Variants in ZNF264 observed in about 807,000 individuals in gnomAD.
The protein encoded by ZNF264 is zinc finger protein 264.
In ZNF264, 11 loss-of-function variants were observed where a neutral mutation model predicts 11.2. That is an observed-to-expected ratio of 0.98 (90% CI 0.62 to 1.63). ZNF264 has a LOEUF of 1.63. Ranked by LOEUF, ZNF264 falls within the 40% of genes most tolerant of loss-of-function variation. ZNF264 has a pLI of 0.00. For synonymous variants in ZNF264, 309 were observed against 279.8 expected, an observed-to-expected ratio of 1.10 and a Z score of -1.04; for missense variants, 752 against 768.1, an observed-to-expected ratio of 0.98 and a Z score of 0.25.
At position 57,222,559 on chromosome 19, in the gene ZNF264, C is replaced by T. The variant is rs559838986; in HGVS notation, c.*9578C>T. Reference sequence around the variant, plus strand: ...ATGTATATGTGTGTGTACATATGGACCACTTCAAGCTACACACACACACAC... The same window carrying T: ...ATGTATATGTGTGTGTACATATGGATCACTTCAAGCTACACACACACACAC... On this transcript the variant is annotated 3_prime_UTR_variant, in exon 4 of 4. Transcript: ENST00000263095. 8.8e-6 allele frequency: 1 copy of T among 113,310 alleles called. No individual in the cohort carries two copies. The highest frequency in any genetic ancestry group is 9.1e-5 in the Admixed American group (1 of 10,996). 7.0% of individuals were successfully genotyped at this position (113,310 alleles called of 1,614,324 possible).
At chr19:57,201,190 C>CT (rs1424972541) in intron 2 of ZNF264, among the ~76,000 whole-genome samples, 2 of 151,878 alleles carry the variant, frequency 1.3e-5, no homozygotes, top group Non-Finnish European at 2.9e-5. Flanking sequence ...AGTTCACTTT[C>CT]TTTTTTCTGC....
intron 2 of ZNF264, among the ~76,000 whole-genome samples, chr19:57,200,116 G>C (rs112186020): frequency 0.036 from 5,411 of 151,780 alleles, 467 homozygotes; most frequent in African/African-American, 0.12. Flanking sequence ...ATCTCCTGTA[G>C]AGAAAAAGCT....
chr19:57,219,601 T>C lies in ZNF264; in HGVS notation c.*6620T>C, dbSNP rs1445502471. The stretch of plus-strand genomic sequence containing the variant: ...GACCACCACTCTGAACCAAAACTTC[T>C]TTCTTGGTTCTTGAAAGTTGCTGTC... On this transcript the variant is annotated 3_prime_UTR_variant, in exon 4 of 4. Coordinates refer to ENST00000263095, the MANE Select transcript of ZNF264 (RefSeq NM_003417.5). 6.6e-6 allele frequency: 1 copy of C among 152,272 alleles called. No individual in the cohort carries two copies. Among genetic ancestry groups the C allele is most frequent in the Non-Finnish European group, 1.5e-5 (1 of 68,062 alleles). The allele number at this position is 152,272 out of a possible 1,614,324, so 9.4% of individuals were successfully genotyped here. A position where few individuals can be genotyped will look rare whatever the true frequency, so the allele number is the denominator to read the frequency against.
intron 3 of ZNF264, among the ~76,000 whole-genome samples, chr19:57,207,545 C>CTTTTTTTTTTTTT (rs757880568): frequency 5.8e-4 from 60 of 103,026 alleles, no homozygotes; most frequent in East Asian, 7.9e-4. Flanking sequence ...TTTTTCTTTT[C>CTTTTTTTTTTTTT]TTTTTTTTTT....
chr19:57,192,027 C>A, intron 1 of ZNF264, 81 bp downstream of exon 1: 2 of 1,310,104 alleles, frequency 1.5e-6, no homozygotes, highest in East Asian at 2.9e-5. Context: ...GCCCAGGTAT[C>A]CCCTGGATTT....
In ZNF264 at chr19:57,212,281, G is replaced by C. The variant is rs2087344172; in HGVS notation, c.1184G>C (p.Gly395Ala). ...ALIHHYVIHT[G>A]EKPFECLECG... ...ATTCACCACTATGTCATCCACACTGGAGAGAAGCCCTTTGAGTGCCTCGAG... is the reference window on the plus strand; with the variant it reads ...ATTCACCACTATGTCATCCACACTGCAGAGAAGCCCTTTGAGTGCCTCGAG... Residue 395 changes from glycine to alanine, a missense_variant, in exon 4 of 4, where the codon GGA becomes GCA. Gly to Ala is a moderately conservative substitution (Grantham distance 60). Transcript: ENST00000263095. 1 of 1,613,992 alleles carries C rather than the reference G, an allele frequency of 6.2e-7. No homozygotes were observed. The highest frequency in any genetic ancestry group is 8.5e-7 in the Non-Finnish European group (1 of 1,180,028).
In ZNF264 at chr19:57,213,505, GT is replaced by G. The variant is rs2087357343; in HGVS notation, c.*526del. ...CGTTTAAGTCAGTAAGGATACACATGTTAACATTCAGGCTTTTGTCTTGATG... is the reference window on the plus strand; with the variant it reads ...CGTTTAAGTCAGTAAGGATACACATGTAACATTCAGGCTTTTGTCTTGATG... On this transcript the variant is annotated 3_prime_UTR_variant, in exon 4 of 4. Coordinates refer to ENST00000263095, the MANE Select transcript of ZNF264 (RefSeq NM_003417.5). 1 of 152,356 alleles carries G rather than the reference GT, an allele frequency of 6.6e-6. No homozygotes were observed. The highest frequency in any genetic ancestry group is 1.5e-5 in the Non-Finnish European group (1 of 68,182). 9.4% of individuals were successfully genotyped at this position (152,356 alleles called of 1,614,324 possible).
chr19:57,213,064 C>G lies in ZNF264; in HGVS notation c.*83C>G. ...TTCAGTCTAGAGCCTTATTCTCCAT[C>G]TGATAATTTATCCTGGAGAGAGACC... is the stretch of plus-strand genomic sequence containing the variant. On this transcript the variant is annotated 3_prime_UTR_variant, in exon 4 of 4. Coordinates refer to ENST00000263095, the MANE Select transcript of ZNF264 (RefSeq NM_003417.5). 1 of 1,359,376 alleles carries G rather than the reference C, an allele frequency of 7.4e-7. No individual in the cohort carries two copies. The highest frequency in any genetic ancestry group is 1.0e-6 in the Non-Finnish European group (1 of 1,001,416). 84.2% of individuals were successfully genotyped at this position (1,359,376 alleles called of 1,614,324 possible). A position where few individuals can be genotyped will look rare whatever the true frequency, so the allele number is the denominator to read the frequency against.
intron 1 of ZNF264, 128 bp downstream of exon 1, chr19:57,192,074 T>C: frequency 1.1e-6 from 1 of 935,596 alleles, no homozygotes; most frequent in Non-Finnish European, 1.5e-6. Context: ...TGTGTGGAGC[T>C]GGTTTGCCAC....
chr19:57,196,318 T>C (rs769884227), intron 2 of ZNF264, among the ~76,000 whole-genome samples: 1 of 151,984 alleles, frequency 6.6e-6, no homozygotes, highest in Non-Finnish European at 1.5e-5. Flanking sequence ...GCAGAAGCAC[T>C]GCGTGCAGGA....
At chr19:57,195,500 G>GT (rs1244791071) in intron 2 of ZNF264, among the ~76,000 whole-genome samples, 7 of 152,038 alleles carry the variant, frequency 4.6e-5, no homozygotes, top group East Asian at 1.9e-4. Flanking sequence ...GCAGGTCATG[G>GT]TTTTTTTTCC....
At chr19:57,205,300 C>T (rs2087283481) in intron 2 of ZNF264, 97 bp from the exon 3 acceptor site, 2 of 1,183,494 alleles carry the variant, frequency 1.7e-6, no homozygotes, top group African/African-American at 3.1e-5. Context: ...AGCTTCACTC[C>T]AAGGTCTGGT....
At chr19:57,206,900 G>GCA (rs2122756334) in intron 3 of ZNF264, among the ~76,000 whole-genome samples, 1 of 142,930 alleles carries the variant, frequency 7.0e-6, no homozygotes, top group African/African-American at 2.7e-5. Flanking sequence ...AGGCTGCTGA[G>GCA]GGCACTGAGG....
In ZNF264 at chr19:57,216,903, G is replaced by GT. The variant is rs955500859; in HGVS notation, c.*3928dup. ...TAATTTGATTTGATACATATGTAGT[G>GT]TTTTTTAGTATAGATCCTCCTTGAC... On this transcript the variant is annotated 3_prime_UTR_variant, in exon 4 of 4. Transcript: ENST00000263095. 8 of 150,264 alleles carry GT rather than the reference G, an allele frequency of 5.3e-5. No individual in the cohort carries two copies. The highest frequency in any genetic ancestry group is 8.9e-5 in the Non-Finnish European group (6 of 67,740). 9.3% of individuals were successfully genotyped at this position (150,264 alleles called of 1,614,324 possible). A position where few individuals can be genotyped will look rare whatever the true frequency, so the allele number is the denominator to read the frequency against.
At chr19:57,192,916 A>G (rs1280990542) in intron 1 of ZNF264, among the ~76,000 whole-genome samples, 2 of 151,716 alleles carry the variant, frequency 1.3e-5, no homozygotes, top group African/African-American at 2.4e-5. Flanking sequence ...ATTTTAGTAG[A>G]GACTGGGTTT....
intron 2 of ZNF264, among the ~76,000 whole-genome samples, chr19:57,198,383 A>G (rs1418958865): frequency 3.3e-5 from 5 of 151,906 alleles, no homozygotes; most frequent in Admixed American, 1.3e-4. Flanking sequence ...TGGTGGCACT[A>G]ATCTCCACAG....
chr19:57,212,299 G>C lies in ZNF264; in HGVS notation c.1202G>C (p.Cys401Ser). Residue 401 changes from cysteine to serine, a missense_variant, in exon 4 of 4, where the codon TGC (cysteine) becomes TCC (serine). Physicochemically the swap from Cys to Ser is moderately radical, Grantham distance 112 (BLOSUM62 -1). Coordinates refer to ENST00000263095, the MANE Select transcript of ZNF264 (RefSeq NM_003417.5). Reference sequence around the variant, plus strand: ...CACACTGGAGAGAAGCCCTTTGAGTGCCTCGAGTGTGGGAAGGCTTTCAAC... The same window carrying C: ...CACACTGGAGAGAAGCCCTTTGAGTCCCTCGAGTGTGGGAAGGCTTTCAAC... ...VIHTGEKPFECLECGKAFNHR... is the reference protein window; with the variant it reads ...VIHTGEKPFESLECGKAFNHR... 6.2e-7 allele frequency: 1 copy of C among 1,613,958 alleles called. No homozygotes were observed. Among genetic ancestry groups the C allele is most frequent in the Middle Eastern group, 1.7e-4 (1 of 6,060 alleles).
chr19:57,194,126 T>TA (rs2087195479), intron 2 of ZNF264, 125 bp downstream of exon 2: 2 of 1,379,868 alleles, frequency 1.4e-6, no homozygotes, highest in Non-Finnish European at 2.0e-6. Context: ...CCCACAGCTT[T>TA]AGTCATTTTC....
intron 2 of ZNF264, among the ~76,000 whole-genome samples, chr19:57,202,825 G>A (rs75996790): frequency 0.021 from 3,217 of 151,898 alleles, 190 homozygotes; most frequent in African/African-American, 0.075. Context: ...AGAGGGGGTC[G>A]CGGGAACCCC....
Sources: gnomAD v4.1 joint callset for allele counts (sites outside exome capture counted in the v4.1 genomes callset) on GRCh38, gnomAD v4.1.1 for gene constraint, MANE v1.5 for transcripts, NCBI Gene and HGNC (gene_info 2026-07-23, HGNC 2026-07-21) for gene names.